The following GRID1 variants were observed in gnomAD, a reference collection of about 807,000 sequenced individuals.
The protein encoded by GRID1 is glutamate ionotropic receptor delta type subunit 1.
Under a neutral mutation model 98.0 loss-of-function variants are expected in GRID1, and 28 were observed. That is an observed-to-expected ratio of 0.29 (90% CI 0.21 to 0.39). GRID1 has a LOEUF of 0.39. GRID1 is among the 10% of genes least tolerant of loss of function. The probability of loss-of-function intolerance (pLI) is 1.00; values close to 1 mark genes in which losing one functional copy is unlikely to be tolerated. For missense variants in GRID1, 1,111 were observed against 1,340.5 expected (o/e 0.83, Z 2.67); for synonymous variants, 553 against 538.5 (o/e 1.03, Z -0.37).
chr10:85,823,703 A>G (rs1842793596), intron 8 of GRID1, among the ~76,000 whole-genome samples: 1 of 152,162 alleles, frequency 6.6e-6, no homozygotes, highest in South Asian at 2.1e-4. Context: ...AAGACTACTG[A>G]AAACTTTAAA....
intron 8 of GRID1, among the ~76,000 whole-genome samples, chr10:85,815,425 A>G (rs987640213): frequency 2.0e-5 from 3 of 152,026 alleles, no homozygotes; most frequent in African/African-American, 7.2e-5. Flanking sequence ...GAAATACAAG[A>G]AATATAGATT....
intron 2 of GRID1, among the ~76,000 whole-genome samples, chr10:86,261,309 C>G (rs551511642): frequency 6.6e-6 from 1 of 152,250 alleles, no homozygotes; most frequent in South Asian, 2.1e-4. Context: ...AGAAAAAGGG[C>G]CCCCAGGACC....
chr10:86,052,347 T>C (rs1843513567), intron 4 of GRID1: 1 of 152,182 alleles, frequency 6.6e-6, no homozygotes, highest in Non-Finnish European at 1.5e-5. Flanking sequence ...AGAGTGAAGC[T>C]TGGGAGAATT....
In GRID1 at chr10:85,602,534, G is replaced by A; in HGVS notation, c.2769C>T (p.Thr923=). The change falls in exon 16 of 16, where the codon ACC becomes ACT. Residue 923 remains threonine (T), a synonymous_variant. Transcript: ENST00000327946. ...TLEPTREYQN[T]QLSVSTFLPE... The stretch of plus-strand genomic sequence containing the variant: ...GCAGAAAGGTGCTGACCGAGAGCTG[G>A]GTGTTCTGGTACTCCCGTGTCGGCT... The A allele has an allele frequency of 1.2e-6, 2 of 1,614,176 alleles. No individual in the cohort carries two copies. Among genetic ancestry groups the A allele is most frequent in the Non-Finnish European group, 1.7e-6 (2 of 1,180,038 alleles).
Position 85,790,234 on chromosome 10 carries a change from C to G in GRID1, c.1234-60620G>C, listed in dbSNP as rs147708220. Among the ~76,000 whole-genome samples the G allele has an allele frequency of 2.3e-3, 345 of 152,298 alleles. 1 individual carries two copies. The highest frequency in any genetic ancestry group is 3.2e-3 in the Non-Finnish European group (216 of 68,028). On this transcript the variant is annotated intron_variant, in intron 8 of 15. Transcript: ENST00000327946. ...GTGTTTCCCTTCGTCCCCTGTCATT[C>G]CCCAGCACCTGAATCCATGACTGGC...
At chr10:86,146,168 T>C (rs1372118762) in intron 3 of GRID1, among the ~76,000 whole-genome samples, 2 of 152,340 alleles carry the variant, frequency 1.3e-5, no homozygotes, top group African/African-American at 4.8e-5. Flanking sequence ...CCATCTGTAA[T>C]GTACATATAT....
At chr10:85,731,224 G>C (rs937292891) in intron 8 of GRID1, among the ~76,000 whole-genome samples, 4 of 152,000 alleles carry the variant, frequency 2.6e-5, no homozygotes, top group African/African-American at 9.7e-5. Context: ...GGAATTTCCT[G>C]TTGTCACCTT....
intron 8 of GRID1, among the ~76,000 whole-genome samples, chr10:85,826,544 C>T (rs1038850325): frequency 4.6e-5 from 7 of 152,058 alleles, no homozygotes; most frequent in African/African-American, 1.2e-4. Flanking sequence ...AAGCATGTGC[C>T]GGAATGCTGT....
At chr10:86,047,260 G>C (rs1469415129) in intron 4 of GRID1, among the ~76,000 whole-genome samples, 2 of 152,224 alleles carry the variant, frequency 1.3e-5, no homozygotes, top group African/African-American at 4.8e-5. Flanking sequence ...AAGGTAGTCT[G>C]GCAACAGGCA....
intron 4 of GRID1, among the ~76,000 whole-genome samples, chr10:85,997,398 CA>C (rs35365659): frequency 0.063 from 8,679 of 136,960 alleles, 297 homozygotes; most frequent in Middle Eastern, 0.094. Flanking sequence ...GACTCCATCT[CA>C]AAAAAAAAAA....
intron 2 of GRID1, among the ~76,000 whole-genome samples, chr10:86,316,373 G>A (rs762864590): frequency 5.3e-5 from 8 of 152,270 alleles, no homozygotes; most frequent in Non-Finnish European, 1.0e-4. Context: ...TTGCAGCCCT[G>A]ACTTGCAAGG....
chr10:85,878,873 C>T (rs1840954174), intron 5 of GRID1, among the ~76,000 whole-genome samples: 1 of 151,986 alleles, frequency 6.6e-6, no homozygotes, highest in African/African-American at 2.4e-5. Flanking sequence ...ATTCAGGAAA[C>T]CCATCTCACG....
intron 12 of GRID1, among the ~76,000 whole-genome samples, chr10:85,684,721 A>T (rs957650262): frequency 2.0e-5 from 3 of 152,230 alleles, no homozygotes; most frequent in Non-Finnish European, 4.4e-5. Flanking sequence ...GCCATAATAC[A>T]ATATCATAGA....
intron 2 of GRID1, among the ~76,000 whole-genome samples, chr10:86,266,667 GAT>G (rs1008955004): frequency 2.6e-5 from 4 of 152,242 alleles, no homozygotes; most frequent in Non-Finnish European, 5.9e-5. Context: ...TGGCAAGAGA[GAT>G]AAGAAAAGGC....
At chr10:86,117,614 C>T (rs1693320238) in intron 4 of GRID1, among the ~76,000 whole-genome samples, 2 of 149,990 alleles carry the variant, frequency 1.3e-5, no homozygotes, top group South Asian at 4.4e-4. Flanking sequence ...ACCACTATCA[C>T]CACCACCACC....
At chr10:85,730,422 CAT>C (rs913558197) in intron 8 of GRID1, among the ~76,000 whole-genome samples, 4 of 152,100 alleles carry the variant, frequency 2.6e-5, no homozygotes, top group Admixed American at 2.6e-4. Flanking sequence ...ATGGGGAAGA[CAT>C]AACAAAATGC....
At chr10:86,297,171 A>G (rs1437044319) in intron 2 of GRID1, among the ~76,000 whole-genome samples, 1 of 152,224 alleles carries the variant, frequency 6.6e-6, no homozygotes, top group African/African-American at 2.4e-5. Context: ...TTTTGAAAAT[A>G]GATGAGAAAA....
At chr10:86,152,425 C>T (rs1384943199) in intron 3 of GRID1, among the ~76,000 whole-genome samples, 1 of 152,238 alleles carries the variant, frequency 6.6e-6, no homozygotes, top group Non-Finnish European at 1.5e-5. Flanking sequence ...GTCTCTGAGG[C>T]AGAGAAAGGA....
intron 2 of GRID1, among the ~76,000 whole-genome samples, chr10:86,323,714 G>T (rs905332192): frequency 1.3e-5 from 2 of 152,340 alleles, no homozygotes. Context: ...CTGGAATTAG[G>T]TAGTGGCAAT....
Sources: gnomAD v4.1 joint callset for allele counts (sites outside exome capture counted in the v4.1 genomes callset) on GRCh38, gnomAD v4.1.1 for gene constraint, MANE v1.5 for transcripts, NCBI Gene and HGNC (gene_info 2026-07-23, HGNC 2026-07-21) for gene names.